Variants in DIAPH2 observed in about 807,000 individuals in gnomAD.
DIAPH2 encodes protein diaphanous homolog 2.
Under a neutral mutation model 92.7 loss-of-function variants are expected in DIAPH2, and 35 were observed. That is an observed-to-expected ratio of 0.38 (90% CI 0.29 to 0.50). The LOEUF is 0.50. Among genes scored for constraint, DIAPH2 ranks in the 20% least tolerant of loss-of-function variants. DIAPH2 has a pLI of 0.94. For synonymous variants in DIAPH2, 301 were observed against 280.4 expected (o/e 1.07, Z -0.73); for missense variants, 701 against 819.5 (o/e 0.86, Z 1.77).
At position 96,957,884 on chromosome X, in the gene DIAPH2, G is replaced by T. The variant is rs772650980; in HGVS notation, c.1671G>T (p.Leu557Phe). The stretch of plus-strand genomic sequence containing the variant: ...CAGGTCCTCCTGCAGCACCTCCATT[G>T]CCAGGTGTAGGGCCGCCTCCACCAC... ...GIPGPPAAPP[L>F]PGVGPPPPPP... Residue 557 changes from leucine (L) to phenylalanine (F), a missense_variant, in exon 16 of 27, where the codon TTG (leucine) becomes TTT (phenylalanine). Leu to Phe is a conservative substitution (Grantham distance 22). Transcript: ENST00000324765. 12 of 1,208,095 alleles carry T rather than the reference G, an allele frequency of 9.9e-6. No individual in the cohort carries two copies. In the Admixed American group the frequency reaches 2.2e-4, roughly 22 times the overall value.
rs148666493 is a variant in DIAPH2 at position 96,852,077 on chromosome X, G to A, written c.448-29502G>A. Reference sequence around the variant, plus strand: ...GAAAAGCTCTTATGTTAGACTGTCAGCTATCTAGTCCATTTTATATTTTCA... The same window carrying A: ...GAAAAGCTCTTATGTTAGACTGTCAACTATCTAGTCCATTTTATATTTTCA... On this transcript the variant is annotated intron_variant, in intron 4 of 26. Transcript: ENST00000324765. Among the ~76,000 whole-genome samples, 830 of 111,930 alleles carry A rather than the reference G, an allele frequency of 7.4e-3. 7 individuals are homozygous for A. The highest frequency in any genetic ancestry group is 0.026 in the African/African-American group (800 of 30,844).
At chrX:96,884,655 G>A (rs1419662952) in intron 5 of DIAPH2, 8 of 1,210,390 alleles carry the variant, frequency 6.6e-6, no homozygotes, top group Non-Finnish European at 8.9e-6. Context: ...AAGTCAAGCA[G>A]GTGACTCCAT....
At chrX:96,704,146 A>T (rs1323984431) in intron 1 of DIAPH2, among the ~76,000 whole-genome samples, 2 of 111,788 alleles carry the variant, frequency 1.8e-5, no homozygotes, top group Non-Finnish European at 3.8e-5. Flanking sequence ...TTCACAAGGT[A>T]TAGGCTGGGA....
intron 22 of DIAPH2, among the ~76,000 whole-genome samples, chrX:97,163,172 T>C (rs1025204866): frequency 9.0e-6 from 1 of 110,802 alleles, no homozygotes; most frequent in Non-Finnish European, 1.9e-5. Context: ...TCTTTTCCTT[T>C]CTTTTCTTTT....
At chrX:97,514,711 T>G (rs1254932763) in intron 26 of DIAPH2, among the ~76,000 whole-genome samples, 1 of 108,527 alleles carries the variant, frequency 9.2e-6, no homozygotes, top group Non-Finnish European at 1.9e-5. Context: ...TTTCTGTTTG[T>G]TAGTTTTCCT....
chrX:96,776,462 T>G (rs759618252), intron 4 of DIAPH2, among the ~76,000 whole-genome samples: 1 of 110,618 alleles, frequency 9.0e-6, no homozygotes, highest in Non-Finnish European at 1.9e-5. Context: ...CCGCCTGCCT[T>G]GGCCTCCCAA....
chrX:97,319,900 G>A (rs1365421728), intron 23 of DIAPH2, among the ~76,000 whole-genome samples: 3 of 107,394 alleles, frequency 2.8e-5, no homozygotes, highest in Non-Finnish European at 5.8e-5. Flanking sequence ...AGGGGTTTGA[G>A]ACCAGCTTGG....
At chrX:96,776,703 T>A (rs766947893) in intron 4 of DIAPH2, among the ~76,000 whole-genome samples, 1 of 110,353 alleles carries the variant, frequency 9.1e-6, no homozygotes, top group South Asian at 3.8e-4. Flanking sequence ...TTTGACTTTT[T>A]TTCCTCCTAA....
chrX:97,419,622 A>G (rs1248597784), intron 25 of DIAPH2, among the ~76,000 whole-genome samples: 3 of 111,887 alleles, frequency 2.7e-5, no homozygotes, highest in East Asian at 2.8e-4. Flanking sequence ...CTTCACAACT[A>G]TGTGACCTTG....
rs371517092 is a variant in DIAPH2 at position 96,735,795 on chromosome X, G to C, written c.165+5G>C. 27 of 1,044,285 alleles carry C rather than the reference G, an allele frequency of 2.6e-5. No homozygotes were observed. Among genetic ancestry groups the C allele is most frequent in the Non-Finnish European group, 3.4e-5 (26 of 769,209 alleles). 86.1% of individuals were successfully genotyped at this position (1,044,285 alleles called of 1,213,427 possible). On this transcript the variant is annotated splice_donor_5th_base_variant and intron_variant, in intron 2 of 26. Transcript: ENST00000324765. ...AAAACTTTGGCAGATGATGTGGTAA[G>C]GTGGTCTTAGCATGTTATTACATTA... is the stretch of plus-strand genomic sequence containing the variant.
chrX:97,552,936 T>G (rs1342030366), intron 26 of DIAPH2, among the ~76,000 whole-genome samples: 1 of 111,570 alleles, frequency 9.0e-6, no homozygotes, highest in Non-Finnish European at 1.9e-5. Flanking sequence ...CCCTTCTCAC[T>G]GTGCCCTAAT....
intron 24 of DIAPH2, among the ~76,000 whole-genome samples, chrX:97,367,973 A>G (rs1337319867): frequency 2.7e-5 from 3 of 112,092 alleles, no homozygotes; most frequent in African/African-American, 9.7e-5. Flanking sequence ...GGCCTCCCAA[A>G]GTGCTGGGAT....
intron 25 of DIAPH2, among the ~76,000 whole-genome samples, chrX:97,400,190 A>G (rs966497881): frequency 8.9e-6 from 1 of 112,464 alleles, no homozygotes; most frequent in Non-Finnish European, 1.9e-5. Flanking sequence ...ACTCATTAGC[A>G]AAGATGCCTT....
At chrX:97,253,377 C>T (rs1348188157) in intron 23 of DIAPH2, among the ~76,000 whole-genome samples, 2 of 110,864 alleles carry the variant, frequency 1.8e-5, no homozygotes, top group African/African-American at 6.6e-5. Context: ...GAAATATACT[C>T]TCTTGACAAT....
At chrX:97,255,831 C>A (rs148551994) in intron 23 of DIAPH2, among the ~76,000 whole-genome samples, 201 of 112,000 alleles carry the variant, frequency 1.8e-3, no homozygotes, top group African/African-American at 6.3e-3. Context: ...GGTCCGTTAG[C>A]ACAAAAATTT....
At chrX:97,537,506 C>T (rs906473400) in intron 26 of DIAPH2, among the ~76,000 whole-genome samples, 3 of 111,755 alleles carry the variant, frequency 2.7e-5, no homozygotes, top group East Asian at 2.8e-4. Context: ...AAGATAGTTC[C>T]GAATGATTCC....
At position 96,884,398 on chromosome X, in the gene DIAPH2, G is replaced by C. The variant is rs1474638734; in HGVS notation, c.587+2680G>C. ...CAGTGACCAACTGTGTGAGAGAGAT[G>C]CAACTCCTGCTATTAAGACCCAAAG... On this transcript the variant is annotated intron_variant, in intron 5 of 26. Transcript: ENST00000324765. 2 of 1,210,223 alleles carry C rather than the reference G, an allele frequency of 1.7e-6. No homozygotes were observed. The highest frequency in any genetic ancestry group is 4.4e-5 in the Admixed American group (2 of 45,944).
intron 22 of DIAPH2, among the ~76,000 whole-genome samples, chrX:97,176,073 T>C (rs1842663763): frequency 8.9e-6 from 1 of 112,035 alleles, no homozygotes; most frequent in South Asian, 3.7e-4. Flanking sequence ...CCAAGACTTA[T>C]AGAATTGCAG....
At chrX:97,555,871 AC>A (rs1228650538) in intron 26 of DIAPH2, among the ~76,000 whole-genome samples, 2 of 111,929 alleles carry the variant, frequency 1.8e-5, no homozygotes, top group Non-Finnish European at 3.8e-5. Flanking sequence ...TTACAAACTT[AC>A]CCTAAAATAG....
Sources: allele counts gnomAD v4.1 joint callset (sites outside exome capture counted in the v4.1 genomes callset), GRCh38; gene constraint gnomAD v4.1.1; transcripts MANE v1.5; gene names NCBI Gene and HGNC (gene_info 2026-07-23, HGNC 2026-07-21).